Variants in ATR observed in about 807,000 individuals in gnomAD.
ATR encodes ATR checkpoint kinase.
Under a neutral mutation model 305.3 loss-of-function variants are expected in ATR, and 142 were observed. That is an observed-to-expected ratio of 0.47 (90% CI 0.41 to 0.53). ATR has a LOEUF of 0.53. Ranked by LOEUF, ATR falls within the 20% of genes least tolerant of loss-of-function variation. The probability of loss-of-function intolerance (pLI) is 0.00; values close to 1 mark genes in which losing one functional copy is unlikely to be tolerated. For missense variants in ATR, 2,135 were observed against 3,133.1 expected (o/e 0.68, Z 7.60); for synonymous variants, 1,050 against 1,068.1 (o/e 0.98, Z 0.33).
At chr3:142,488,265 A>T (rs142675182) in intron 35 of ATR, among the ~76,000 whole-genome samples, 129 of 152,240 alleles carry the variant, frequency 8.5e-4, no homozygotes, top group African/African-American at 2.8e-3. Context: ...TAAATGCCCT[A>T]TCCTTTTGCT....
intron 3 of ATR, among the ~76,000 whole-genome samples, chr3:142,563,862 G>A (rs538689729): frequency 2.6e-5 from 4 of 152,252 alleles, no homozygotes; most frequent in Non-Finnish European, 4.4e-5. Flanking sequence ...TCCACTGAAC[G>A]CACCATTGAT....
chr3:142,454,537 G>A (rs1025307232), intron 45 of ATR, among the ~76,000 whole-genome samples: 1 of 149,464 alleles, frequency 6.7e-6, no homozygotes, highest in African/African-American at 2.5e-5. Context: ...GCCCCCTGGG[G>A]TTCACGCCAT....
At chr3:142,449,643 A>G (rs759329368) in intron 46 of ATR, 41 bp from the exon 47 acceptor site, 2 of 1,585,424 alleles carry the variant, frequency 1.3e-6, no homozygotes, top group Non-Finnish European at 1.7e-6. Context: ...GATGTTAATA[A>G]TTTGGAATTA....
At chr3:142,547,660 T>A in intron 16 of ATR, 65 bp downstream of exon 16, 1 of 1,537,774 alleles carries the variant, frequency 6.5e-7, no homozygotes, top group South Asian at 1.2e-5. Flanking sequence ...ATTTCTTCAA[T>A]TTTATAATTA....
intron 36 of ATR, among the ~76,000 whole-genome samples, chr3:142,480,887 AT>A (rs1385425871): frequency 6.6e-6 from 1 of 152,200 alleles, no homozygotes; most frequent in East Asian, 1.9e-4. Flanking sequence ...CTTCAGAGCC[AT>A]GCACGGGATA....
rs1270168282 is a variant in ATR at position 142,507,420 on chromosome 3, ACTC to A, written c.5031+508_5031+510del. Reference sequence around the variant, plus strand: ...ATTCCTTGAATCATAGCCCTTCCAAACTCCTCCTCCACAACTGCCACAGGCATT... The same window carrying A: ...ATTCCTTGAATCATAGCCCTTCCAAACTCCTCCACAACTGCCACAGGCATT... On this transcript the variant is annotated intron_variant, in intron 28 of 46. Coordinates refer to ENST00000350721, the MANE Select transcript of ATR (RefSeq NM_001184.4). Among the ~76,000 whole-genome samples the A allele has an allele frequency of 2.4e-4, 36 of 151,880 alleles. No individual in the cohort carries two copies. In the South Asian group the frequency reaches 7.1e-3, roughly 30 times the overall value.
chr3:142,451,347 G>C, intron 46 of ATR: 1 of 1,323,148 alleles, frequency 7.6e-7, no homozygotes, highest in African/African-American at 1.5e-5. Flanking sequence ...AAATTTTCAA[G>C]ATTTAGTGGA....
intron 19 of ATR, among the ~76,000 whole-genome samples, chr3:142,537,233 C>T (rs886479395): frequency 1.2e-5 from 1 of 86,314 alleles, no homozygotes. Flanking sequence ...GGATTACAGG[C>T]TCTTTTTGCT....
intron 13 of ATR, among the ~76,000 whole-genome samples, chr3:142,550,567 T>C (rs2034437909): frequency 6.6e-6 from 1 of 152,170 alleles, no homozygotes; most frequent in Non-Finnish European, 1.5e-5. Flanking sequence ...TAACCTAACT[T>C]TTCAGCCATT....
chr3:142,565,284 G>GA (rs2108492099), intron 3 of ATR, among the ~76,000 whole-genome samples: 1 of 152,038 alleles, frequency 6.6e-6, no homozygotes, highest in Non-Finnish European at 1.5e-5. Flanking sequence ...GTAGTGCTCA[G>GA]AAAAAAACTT....
chr3:142,577,409 A>T (rs2108510868), intron 1 of ATR, among the ~76,000 whole-genome samples: 1 of 152,346 alleles, frequency 6.6e-6, no homozygotes, highest in Admixed American at 6.5e-5. Context: ...TTTGTAAACC[A>T]ACTTCCTACA....
intron 28 of ATR, among the ~76,000 whole-genome samples, chr3:142,505,534 C>G (rs1197772454): frequency 2.0e-5 from 3 of 152,164 alleles, no homozygotes; most frequent in Non-Finnish European, 2.9e-5. Context: ...ATATCAATAG[C>G]TGTTATTGAT....
At chr3:142,459,964 T>C (rs1206792264) in intron 42 of ATR, among the ~76,000 whole-genome samples, 3 of 152,010 alleles carry the variant, frequency 2.0e-5, no homozygotes, top group Non-Finnish European at 4.4e-5. Context: ...AATATATATG[T>C]ATATATACAT....
chr3:142,451,711 C>G (rs2108246846), intron 46 of ATR: 1 of 1,182,802 alleles, frequency 8.5e-7, no homozygotes, highest in East Asian at 5.7e-5. Flanking sequence ...TCCCAAGTAG[C>G]TGGGACTACA....
chr3:142,562,167 CA>C, intron 4 of ATR, 64 bp downstream of exon 4: 1 of 1,516,238 alleles, frequency 6.6e-7, no homozygotes, highest in African/African-American at 1.4e-5. Flanking sequence ...ACATTTTGCA[CA>C]TATGTATACA....
chr3:142,536,242 TATGAATACTAAAAAA>T, intron 19 of ATR, 41 bp from the exon 20 acceptor site: 1 of 1,362,798 alleles, frequency 7.3e-7, no homozygotes, highest in Non-Finnish European at 1.0e-6. Context: ...TTGCCAAGAA[TATGAATACTAAAAAA>T]ATGTAAAGTA....
rs147966002 is a variant in ATR, at chr3:142,494,645, G to T, written c.5899-1334C>A. On this transcript the variant is annotated intron_variant, in intron 34 of 46. Coordinates refer to ENST00000350721, the MANE Select transcript of ATR (RefSeq NM_001184.4). ...GGTAGATGGAATAATAATTTTAATT[G>T]GAAGAAAAGCACATAGTCTGATTTT... Among the ~76,000 whole-genome samples the T allele has an allele frequency of 9.1e-3, 1,392 of 152,278 alleles. 14 individuals are homozygous for T. Among genetic ancestry groups the T allele is most frequent in the Admixed American group, 0.014 (217 of 15,302 alleles).
chr3:142,571,635 G>A (rs2108502621), intron 1 of ATR, among the ~76,000 whole-genome samples: 1 of 152,190 alleles, frequency 6.6e-6, no homozygotes, highest in Admixed American at 6.5e-5. Flanking sequence ...TTAGGGTGTA[G>A]TAAGACAGTT....
At chr3:142,471,714 A>G (rs951056296) in intron 36 of ATR, among the ~76,000 whole-genome samples, 6 of 152,208 alleles carry the variant, frequency 3.9e-5, no homozygotes, top group African/African-American at 1.4e-4. Context: ...TAACTCACGC[A>G]TGCTAATTAT....
Sources: gnomAD v4.1 joint callset for allele counts (sites outside exome capture counted in the v4.1 genomes callset) on GRCh38, gnomAD v4.1.1 for gene constraint, MANE v1.5 for transcripts, NCBI Gene and HGNC (gene_info 2026-07-23, HGNC 2026-07-21) for gene names.